Variants in CDH8 observed in about 807,000 individuals in gnomAD.
The protein encoded by CDH8 is cadherin-8.
Under a neutral mutation model 68.1 loss-of-function variants are expected in CDH8, and 17 were observed. The observed-to-expected ratio is 0.25, with a 90% CI of 0.17 to 0.37. The LOEUF (loss-of-function observed/expected upper bound fraction) is 0.37, where lower values mean the gene tolerates loss of function less well. Among genes scored for constraint, CDH8 ranks in the 10% least tolerant of loss-of-function variants. CDH8 has a pLI of 1.00. For missense variants in CDH8, 763 were observed against 999.3 expected (o/e 0.76, Z 3.19); for synonymous variants, 372 against 365.1 (o/e 1.02, Z -0.21).
intron 2 of CDH8, among the ~76,000 whole-genome samples, chr16:61,949,421 T>C (rs561602834): frequency 8.0e-4 from 122 of 152,178 alleles, no homozygotes; most frequent in African/African-American, 2.9e-3. Context: ...AATAAGAGAA[T>C]AAAAGCTGGC....
intron 9 of CDH8, among the ~76,000 whole-genome samples, chr16:61,714,762 A>T (rs141659243): frequency 6.6e-6 from 1 of 151,652 alleles, no homozygotes; most frequent in Admixed American, 6.6e-5. Flanking sequence ...GCGGGACAAG[A>T]GCTAATGTAG....
chr16:61,801,412 G>A (rs1961626444), intron 7 of CDH8, among the ~76,000 whole-genome samples: 1 of 152,176 alleles, frequency 6.6e-6, no homozygotes. Context: ...TAACCACTGT[G>A]GATTTGGGAG....
intron 1 of CDH8, among the ~76,000 whole-genome samples, chr16:62,026,431 C>T (rs1053282123): frequency 6.6e-6 from 1 of 152,144 alleles, no homozygotes; most frequent in Non-Finnish European, 1.5e-5. Flanking sequence ...AGTAGTTCTA[C>T]AGAAGACCAG....
At chr16:61,985,000 A>G (rs567324330) in intron 2 of CDH8, among the ~76,000 whole-genome samples, 17 of 152,256 alleles carry the variant, frequency 1.1e-4, no homozygotes, top group African/African-American at 3.6e-4. Flanking sequence ...AAATCCAGGT[A>G]TAATATCTGC....
chr16:61,863,885 C>G (rs1807790906), intron 3 of CDH8, among the ~76,000 whole-genome samples: 1 of 152,168 alleles, frequency 6.6e-6, no homozygotes, highest in African/African-American at 2.4e-5. Context: ...CTTAAACATT[C>G]ATGCATCCCA....
chr16:61,753,113 T>C (rs1960214163), intron 8 of CDH8, among the ~76,000 whole-genome samples: 1 of 145,392 alleles, frequency 6.9e-6, no homozygotes, highest in Non-Finnish European at 1.5e-5. Context: ...TTTTATAAAC[T>C]ACTGTAGATA....
At chr16:61,802,161 G>A (rs1021813068) in intron 7 of CDH8, among the ~76,000 whole-genome samples, 2 of 121,652 alleles carry the variant, frequency 1.6e-5, no homozygotes, top group African/African-American at 3.5e-5. Context: ...CCTGACCCCT[G>A]ACCCCCGAGC....
At chr16:61,817,416 G>A (rs1349982474) in intron 7 of CDH8, 63 bp downstream of exon 7, 25 of 1,543,488 alleles carry the variant, frequency 1.6e-5, no homozygotes, top group Admixed American at 3.4e-5. Flanking sequence ...TACAAGCAAA[G>A]GCATTTTTCA....
At chr16:62,022,027 A>ATTCT (rs904149957) in intron 1 of CDH8, among the ~76,000 whole-genome samples, 4 of 151,502 alleles carry the variant, frequency 2.6e-5, no homozygotes, top group Non-Finnish European at 5.9e-5. Context: ...TAGGCCTTTT[A>ATTCT]TTCTTTCTTT....
intron 4 of CDH8, among the ~76,000 whole-genome samples, chr16:61,845,183 A>G (rs1312704633): frequency 1.3e-5 from 2 of 152,144 alleles, no homozygotes; most frequent in Non-Finnish European, 2.9e-5. Context: ...AGGGTTGCTA[A>G]TTTATACTCT....
At chr16:61,762,938 T>TA (rs1028679454) in intron 8 of CDH8, among the ~76,000 whole-genome samples, 2 of 152,172 alleles carry the variant, frequency 1.3e-5, no homozygotes, top group South Asian at 2.1e-4. Flanking sequence ...AGCAGTGCCT[T>TA]AGAGTATTTG....
chr16:62,022,891 G>C (rs1213777161), intron 1 of CDH8, among the ~76,000 whole-genome samples: 1 of 151,984 alleles, frequency 6.6e-6, no homozygotes, highest in Non-Finnish European at 1.5e-5. Flanking sequence ...CCTGGGCTCA[G>C]CTCAATCACC....
At chr16:61,657,997 G>C (rs1963482309) in intron 10 of CDH8, among the ~76,000 whole-genome samples, 1 of 152,012 alleles carries the variant, frequency 6.6e-6, no homozygotes, top group Non-Finnish European at 1.5e-5. Flanking sequence ...TGTTGACTGA[G>C]TAAAGAAAAT....
At chr16:61,809,243 C>T (rs1961880694) in intron 7 of CDH8, among the ~76,000 whole-genome samples, 1 of 152,032 alleles carries the variant, frequency 6.6e-6, no homozygotes, top group African/African-American at 2.4e-5. Flanking sequence ...CCGTATTTGG[C>T]CCACAGGCTT....
rs571740278 is a variant in CDH8, at chr16:61,846,545, T to C, written c.667+10574A>G. 7.8e-4 allele frequency among the ~76,000 whole-genome samples: 118 copies of C among 152,254 alleles called. 1 individual carries two copies. Among genetic ancestry groups the C allele is most frequent in the African/African-American group, 2.8e-3 (116 of 41,554 alleles). ...TTCTTTTCCTTTGTCCAGACTCCTC[T>C]ACATTTTGCAGATGGGAAGCCTGAT... is the stretch of plus-strand genomic sequence containing the variant. On this transcript the variant is annotated intron_variant, in intron 4 of 11. Coordinates refer to ENST00000577390, the MANE Select transcript of CDH8 (RefSeq NM_001796.5).
At chr16:61,675,623 A>ATAT (rs1963890634) in intron 10 of CDH8, among the ~76,000 whole-genome samples, 1 of 64,240 alleles carries the variant, frequency 1.6e-5, no homozygotes, top group African/African-American at 1.3e-4. Flanking sequence ...AAAAATAAAA[A>ATAT]AAATAAAAAA....
chr16:61,998,484 A>G (rs1362179009), intron 2 of CDH8, among the ~76,000 whole-genome samples: 1 of 152,026 alleles, frequency 6.6e-6, no homozygotes, highest in Non-Finnish European at 1.5e-5. Context: ...TGCATCCAAG[A>G]CTCTTCGATC....
At chr16:61,869,547 C>T (rs1963318557) in intron 3 of CDH8, among the ~76,000 whole-genome samples, 1 of 152,092 alleles carries the variant, frequency 6.6e-6, no homozygotes, top group Non-Finnish European at 1.5e-5. Flanking sequence ...CTGTTTTGTT[C>T]CCCAATCCTC....
At chr16:61,778,584 C>G (rs1960959480) in intron 8 of CDH8, among the ~76,000 whole-genome samples, 2 of 152,098 alleles carry the variant, frequency 1.3e-5, no homozygotes, top group Admixed American at 1.3e-4. Flanking sequence ...GCCCTATTAA[C>G]TAGAAGAACA....
Sources: gnomAD v4.1 joint callset for allele counts (sites outside exome capture counted in the v4.1 genomes callset) on GRCh38, gnomAD v4.1.1 for gene constraint, MANE v1.5 for transcripts, NCBI Gene and HGNC (gene_info 2026-07-23, HGNC 2026-07-21) for gene names.